SLCO1C1: variants seen among roughly 807,000 people sequenced by gnomAD.
The protein encoded by SLCO1C1 is OAT-RP-5.
Under a neutral mutation model 76.4 loss-of-function variants are expected in SLCO1C1, and 70 were observed. The observed-to-expected ratio is 0.92, with a 90% CI of 0.76 to 1.12. The LOEUF is 1.12. Ranked by LOEUF, SLCO1C1 falls within the 50% of genes most tolerant of loss-of-function variation. The probability of loss-of-function intolerance (pLI) is 0.00; values close to 1 mark genes in which losing one functional copy is unlikely to be tolerated. For missense variants in SLCO1C1, 912 were observed against 823.8 expected (o/e 1.11, Z -1.31); for synonymous variants, 306 against 286.1 (o/e 1.07, Z -0.70).
intron 1 of SLCO1C1, among the ~76,000 whole-genome samples, chr12:20,696,339 G>A (rs914774040): frequency 6.6e-6 from 1 of 152,136 alleles, no homozygotes; most frequent in East Asian, 1.9e-4. Context: ...ATGGCCAAGA[G>A]AAGAGAGGGA....
At chr12:20,743,967 T>C (rs919703927) in intron 13 of SLCO1C1, among the ~76,000 whole-genome samples, 2 of 151,970 alleles carry the variant, frequency 1.3e-5, no homozygotes, top group African/African-American at 2.4e-5. Context: ...AAAGAGTTTA[T>C]ATATTAAAAA....
In SLCO1C1 at chr12:20,722,045, A is replaced by C; in HGVS notation, c.1017A>C (p.Ala339=). 2.5e-6 allele frequency: 4 copies of C among 1,612,552 alleles called. No homozygotes were observed. The highest frequency in any genetic ancestry group is 3.4e-6 in the Non-Finnish European group (4 of 1,179,406). The part of the protein sequence containing the change: ...QGENAKIMEM[A]RDFLPSLKNL... ...AAAATGCAAAAATAATGGAAATGGC[A>C]AGAGGTAAGTCAAATTCTTGATTTT... Residue 339 remains alanine (A), a synonymous_variant, in exon 8 of 15, where the codon GCA becomes GCC. Transcript: ENST00000266509.
chr12:20,736,318 A>G (rs1034599358), intron 10 of SLCO1C1, among the ~76,000 whole-genome samples: 20 of 118,194 alleles, frequency 1.7e-4, no homozygotes, highest in African/African-American at 5.0e-4. Context: ...TTGTGAAATA[A>G]CTCAAAAAAA....
chr12:20,741,465 C>T (rs1318246827), intron 12 of SLCO1C1, among the ~76,000 whole-genome samples: 4 of 152,136 alleles, frequency 2.6e-5, no homozygotes, highest in African/African-American at 9.6e-5. Context: ...AAATGTAAGT[C>T]ACTTTCTAAT....
At position 20,752,528 on chromosome 12, in the gene SLCO1C1, G is replaced by A. The variant is rs373515523; in HGVS notation, c.2139G>A (p.Ter713=). 2 of 1,577,306 alleles carry A rather than the reference G, an allele frequency of 1.3e-6. No individual in the cohort carries two copies. The highest frequency in any genetic ancestry group is 2.7e-5 in the African/African-American group (2 of 73,460). The change falls in exon 15 of 15, where the codon TAG becomes TAA. Residue 713 remains the stop codon, a stop_retained_variant. Transcript: ENST00000266509. ...NYWPGKETQL[*] ...GGCCAGGCAAGGAAACTCAACTTTA[G>A]AAACATGATGACTGGAAGTCATGTC...
intron 13 of SLCO1C1, among the ~76,000 whole-genome samples, chr12:20,748,820 A>C (rs1227159790): frequency 6.6e-6 from 1 of 152,122 alleles, no homozygotes; most frequent in Non-Finnish European, 1.5e-5. Context: ...TACACACGTG[A>C]TTTGCATGAT....
At position 20,722,056 on chromosome 12, in the gene SLCO1C1, C is replaced by G. The variant is rs11045408; in HGVS notation, c.1021+7C>G. 21,226 of 1,608,630 alleles carry G rather than the reference C, an allele frequency of 0.013. 341 individuals are homozygous for G. Among genetic ancestry groups the G allele is most frequent in the African/African-American group, 0.075 (5,619 of 74,680 alleles). On this transcript the variant is annotated splice_region_variant and intron_variant, in intron 8 of 14. Transcript: ENST00000266509. ...ATAATGGAAATGGCAAGAGGTAAGT[C>G]AAATTCTTGATTTTGAAGTATTTTC...
chr12:20,699,509 CGTA>C, intron 1 of SLCO1C1, 40 bp from the exon 2 acceptor site: 1 of 1,337,252 alleles, frequency 7.5e-7, no homozygotes, highest in Middle Eastern at 2.0e-4. Context: ...TAATAAATTG[CGTA>C]GTATTTATTT....
chr12:20,744,950 AATCT>A (rs763130552), intron 13 of SLCO1C1, among the ~76,000 whole-genome samples: 13 of 152,290 alleles, frequency 8.5e-5, no homozygotes, highest in Non-Finnish European at 1.5e-4. Context: ...GAATGGGAAA[AATCT>A]ATCTAATGTT....
chr12:20,706,144 A>G, intron 4 of SLCO1C1, 63 bp downstream of exon 4: 1 of 1,513,910 alleles, frequency 6.6e-7, no homozygotes, highest in Non-Finnish European at 8.9e-7. Context: ...CCCTTTTATG[A>G]TGATTATTAA....
At position 20,704,072 on chromosome 12, in the gene SLCO1C1, G is replaced by GT. The variant is rs558503907; in HGVS notation, c.272-1870dup. 8.6e-5 allele frequency among the ~76,000 whole-genome samples: 13 copies of GT among 150,810 alleles called. No homozygotes were observed. The South Asian group carries it at 2.1e-3, about 24-fold the overall frequency. ...CATATTTCTAAAACTTTCTGTACCT[G>GT]TTTTTTTGTGAGAGGCTAATGATGG... On this transcript the variant is annotated intron_variant, in intron 3 of 14. Coordinates refer to ENST00000266509, the MANE Select transcript of SLCO1C1 (RefSeq NM_017435.5).
chr12:20,738,613 T>TC (rs1229505990), intron 11 of SLCO1C1, among the ~76,000 whole-genome samples: 2 of 152,242 alleles, frequency 1.3e-5, no homozygotes, highest in African/African-American at 2.4e-5. Context: ...TCTCTTTTTT[T>TC]CTTTTCTTTG....
At chr12:20,747,005 A>C (rs1268920344) in intron 13 of SLCO1C1, among the ~76,000 whole-genome samples, 1 of 118,156 alleles carries the variant, frequency 8.5e-6, no homozygotes, top group Non-Finnish European at 2.1e-5. Context: ...AAATTATTAT[A>C]AAATGTGTTA....
chr12:20,716,800 A>G (rs1174659316), intron 6 of SLCO1C1, among the ~76,000 whole-genome samples: 2 of 152,220 alleles, frequency 1.3e-5, no homozygotes, highest in South Asian at 2.1e-4. Flanking sequence ...CAAACTATCA[A>G]AATTAATACA....
intron 3 of SLCO1C1, among the ~76,000 whole-genome samples, chr12:20,704,104 T>C (rs1946664468): frequency 6.6e-6 from 1 of 151,576 alleles, no homozygotes; most frequent in Non-Finnish European, 1.5e-5. Flanking sequence ...ATGGTAGATA[T>C]GGAATAATTT....
chr12:20,705,041 C>T (rs147282078), intron 3 of SLCO1C1, among the ~76,000 whole-genome samples: 5 of 151,932 alleles, frequency 3.3e-5, no homozygotes. Context: ...ACGTTTGGTA[C>T]TTGCCAAGAA....
rs751367315 is a variant in SLCO1C1 at position 20,732,948 on chromosome 12, C to T, written c.1226C>T (p.Ser409Phe). ...NIPAVALGIFSGGIVMKKFRI... is the reference protein window; with the variant it reads ...NIPAVALGIFFGGIVMKKFRI... ...CCAGCAGTGGCCCTTGGAATATTCT[C>T]TGGGGGGATAGTTATGAAAAAATTC... The change falls in exon 10 of 15, where the codon TCT (serine) becomes TTT (phenylalanine). Residue 409 changes from serine to phenylalanine, a missense_variant. Ser to Phe is a radical substitution (Grantham distance 155). Coordinates refer to ENST00000266509, the MANE Select transcript of SLCO1C1 (RefSeq NM_017435.5). 1.2e-6 allele frequency: 2 copies of T among 1,613,966 alleles called. No individual in the cohort carries two copies. The highest frequency in any genetic ancestry group is 2.2e-5 in the South Asian group (2 of 91,076).
chr12:20,745,814 G>C (rs1949018404), intron 13 of SLCO1C1, among the ~76,000 whole-genome samples: 1 of 150,806 alleles, frequency 6.6e-6, no homozygotes, highest in Admixed American at 6.6e-5. Context: ...GACAAAGCAA[G>C]TCTCCATCTA....
rs1201592299 is a variant in SLCO1C1, at chr12:20,724,907, ATTAT to A, written c.1186+1658_1186+1661del. ...TACTATGAAAATAATTATACATACA[ATTAT>A]TTATAATAGCATTATAAATCATTAT... On this transcript the variant is annotated intron_variant, in intron 9 of 14. Coordinates refer to ENST00000266509, the MANE Select transcript of SLCO1C1 (RefSeq NM_017435.5). Among the ~76,000 whole-genome samples the A allele has an allele frequency of 5.5e-5, 8 of 144,918 alleles. No homozygotes were observed. The East Asian group carries it at 1.6e-3, about 29-fold the overall frequency.
Sources: gnomAD v4.1 joint callset for allele counts (sites outside exome capture counted in the v4.1 genomes callset) on GRCh38, gnomAD v4.1.1 for gene constraint, MANE v1.5 for transcripts, NCBI Gene and HGNC (gene_info 2026-07-23, HGNC 2026-07-21) for gene names.